The following HAUS6 variants were observed in gnomAD, a reference collection of about 807,000 sequenced individuals.
HAUS6 encodes HAUS augmin like complex subunit 6.
In HAUS6, 80 loss-of-function variants were observed where a neutral mutation model predicts 106.8. That is an observed-to-expected ratio of 0.75 (90% CI 0.63 to 0.90). The LOEUF (loss-of-function observed/expected upper bound fraction) is 0.90. Among genes scored for constraint, HAUS6 ranks in the 40% least tolerant of loss-of-function variants. HAUS6 has a pLI of 0.00. For missense variants in HAUS6, 1,155 were observed against 1,118.1 expected (o/e 1.03, Z -0.47); for synonymous variants, 356 against 379.1 (o/e 0.94, Z 0.71).
chr9:19,081,345 C>G (rs1837145453), intron 8 of HAUS6, among the ~76,000 whole-genome samples: 1 of 151,990 alleles, frequency 6.6e-6, no homozygotes, highest in African/African-American at 2.4e-5. Flanking sequence ...AATCAATGAC[C>G]CCTAAAGGCT....
intron 11 of HAUS6, chr9:19,073,873 T>A (rs949626606): frequency 6.6e-6 from 1 of 152,034 alleles, no homozygotes; most frequent in African/African-American, 2.4e-5. Flanking sequence ...TATATTAAAA[T>A]TGGAACAATA....
rs1235164719 is a variant in HAUS6 at position 19,055,839 on chromosome 9, T to C, written c.*504A>G. ...CAGTCTTAAAATTTGTCATCTTGAC[T>C]ACACATCCCAAGGTACTACTTTTCT... On this transcript the variant is annotated 3_prime_UTR_variant, in exon 17 of 17. Transcript: ENST00000380502. The C allele has an allele frequency of 6.6e-6, 1 of 152,404 alleles. No individual in the cohort carries two copies. Among genetic ancestry groups the C allele is most frequent in the African/African-American group, 2.4e-5 (1 of 41,480 alleles). The allele number at this position is 152,404 out of a possible 1,614,324, so 9.4% of individuals were successfully genotyped here.
intron 12 of HAUS6, among the ~76,000 whole-genome samples, chr9:19,068,072 A>G (rs1442013238): frequency 6.6e-6 from 1 of 151,836 alleles, no homozygotes; most frequent in African/African-American, 2.4e-5. Context: ...TAGTATCCCT[A>G]TCAATCTTTA....
intron 4 of HAUS6, among the ~76,000 whole-genome samples, chr9:19,092,964 T>C (rs1003789599): frequency 1.4e-5 from 2 of 146,108 alleles, no homozygotes; most frequent in African/African-American, 5.1e-5. Context: ...TATTAGAACA[T>C]AATAAAATAA....
rs775761103 is a variant in HAUS6, at chr9:19,093,325, T to C, written c.304-22A>G. ...CACCCTATGAAGAAAAGAAATAAGA[T>C]GATTTGAAGACCTTGTTAACAATAA... On this transcript the variant is annotated intron_variant, in intron 3 of 16. Coordinates refer to ENST00000380502, the MANE Select transcript of HAUS6 (RefSeq NM_017645.5). 7.6e-6 allele frequency: 12 copies of C among 1,579,892 alleles called. No homozygotes were observed. In the Admixed American group the frequency reaches 1.5e-4, roughly 20 times the overall value.
At chr9:19,087,853 A>G (rs1236927414) in intron 5 of HAUS6, among the ~76,000 whole-genome samples, 1 of 150,714 alleles carries the variant, frequency 6.6e-6, no homozygotes, top group Non-Finnish European at 1.5e-5. Context: ...TCTCAAAAAA[A>G]AAAAAAAAAA....
Position 19,086,743 on chromosome 9 carries a change from T to C in HAUS6, c.690A>G (p.Lys230=), listed in dbSNP as rs976302534. 8.0e-7 allele frequency: 1 copy of C among 1,247,402 alleles called. No individual in the cohort carries two copies. Among genetic ancestry groups the C allele is most frequent in the African/African-American group, 1.5e-5 (1 of 67,118 alleles). The allele number at this position is 1,247,402 out of a possible 1,614,324, so 77.3% of individuals were successfully genotyped here. A position where few individuals can be genotyped will look rare whatever the true frequency, so the allele number is the denominator to read the frequency against. The change falls in exon 7 of 17, where the codon AAA becomes AAG. Residue 230 remains lysine, a synonymous_variant. Transcript: ENST00000380502. The part of the protein sequence containing the change: ...PYDDHSNMEE[K]IQKVRSLWAS... ...TTATAAGTTGTCTCACCTTTTGAATTTTTTCTTCCATATTACTGTGGTCAT... is the reference window on the plus strand; with the variant it reads ...TTATAAGTTGTCTCACCTTTTGAATCTTTTCTTCCATATTACTGTGGTCAT...
intron 12 of HAUS6, among the ~76,000 whole-genome samples, chr9:19,064,838 A>G (rs555507749): frequency 2.9e-4 from 44 of 152,216 alleles, no homozygotes; most frequent in Non-Finnish European, 5.3e-4. Flanking sequence ...TCAAAGGCAA[A>G]GAATTGATCA....
intron 9 of HAUS6, among the ~76,000 whole-genome samples, chr9:19,079,126 TG>T (rs1837076850): frequency 6.8e-6 from 1 of 146,676 alleles, no homozygotes; most frequent in Non-Finnish European, 1.5e-5. Context: ...ATTGCGCTAT[TG>T]TGCTCCAGCC....
chr9:19,054,403 G>C lies in HAUS6; in HGVS notation c.*1940C>G, dbSNP rs1836426270. ...TGTAGGAGATACTGGATAGGGAAAAGGCTGAAGGCAAAAAGCTGCCATCAC... is the reference window on the plus strand; with the variant it reads ...TGTAGGAGATACTGGATAGGGAAAACGCTGAAGGCAAAAAGCTGCCATCAC... On this transcript the variant is annotated 3_prime_UTR_variant, in exon 17 of 17. Transcript: ENST00000380502. 1.3e-5 allele frequency: 2 copies of C among 152,190 alleles called. No homozygotes were observed. The highest frequency in any genetic ancestry group is 4.8e-5 in the African/African-American group (2 of 41,440). The allele number at this position is 152,190 out of a possible 1,614,324, so 9.4% of individuals were successfully genotyped here.
At chr9:19,086,853 T>G (rs949336596) in intron 6 of HAUS6, 71 bp from the exon 7 acceptor site, 3 of 713,728 alleles carry the variant, frequency 4.2e-6, no homozygotes, top group Non-Finnish European at 7.3e-6. Flanking sequence ...AAAGAGCTAA[T>G]TAGTCTGCAA....
At chr9:19,095,604 T>C (rs775957490) in intron 2 of HAUS6, among the ~76,000 whole-genome samples, 4 of 152,044 alleles carry the variant, frequency 2.6e-5, no homozygotes, top group Non-Finnish European at 4.4e-5. Flanking sequence ...ATACCTATTA[T>C]CCTGCATACT....
rs1051494714 is a variant in HAUS6, at chr9:19,063,584, A to C, written c.1377-4T>G. 1.9e-6 allele frequency: 3 copies of C among 1,595,276 alleles called. No homozygotes were observed. Among genetic ancestry groups the C allele is most frequent in the Non-Finnish European group, 2.6e-6 (3 of 1,162,870 alleles). On this transcript the variant is annotated splice_polypyrimidine_tract_variant and splice_region_variant and intron_variant, in intron 12 of 16. Coordinates refer to ENST00000380502, the MANE Select transcript of HAUS6 (RefSeq NM_017645.5). ...CTGCGACAAGAAAGAGGCAGGGCTA[A>C]AAGGAAAAAAGACAACAAATCCAAG...
At chr9:19,089,124 T>C (rs894807911) in intron 5 of HAUS6, among the ~76,000 whole-genome samples, 1 of 151,904 alleles carries the variant, frequency 6.6e-6, no homozygotes, top group African/African-American at 2.4e-5. Flanking sequence ...GCGCCAATAA[T>C]CCCAGGTACT....
At chr9:19,085,443 G>A (rs536621272) in intron 7 of HAUS6, among the ~76,000 whole-genome samples, 18 of 152,000 alleles carry the variant, frequency 1.2e-4, no homozygotes, top group African/African-American at 3.9e-4. Flanking sequence ...TAATGTCTAC[G>A]AGATACCTAG....
chr9:19,079,513 G>A (rs1564014609), intron 9 of HAUS6, among the ~76,000 whole-genome samples: 1 of 151,954 alleles, frequency 6.6e-6, no homozygotes, highest in Non-Finnish European at 1.5e-5. Flanking sequence ...TTACAAGTGT[G>A]AGCCACCATG....
In HAUS6 at chr9:19,092,916, C is replaced by CAA. The variant is rs71494998; in HGVS notation, c.436+253_436+254dup. On this transcript the variant is annotated intron_variant, in intron 4 of 16. Transcript: ENST00000380502. ...CTCCAGCTTGAGCGAAACTGTGTCT[C>CAA]AAAAAAAAAAAAAAAAAGAAATGTT... Among the ~76,000 whole-genome samples, 43 of 76,200 alleles carry CAA rather than the reference C, an allele frequency of 5.6e-4. 1 individual carries two copies. The highest frequency in any genetic ancestry group is 2.6e-3 in the East Asian group (6 of 2,334). 50.0% of individuals were successfully genotyped at this position (76,200 alleles called of 152,430 possible).
rs1370188780 is a variant in HAUS6, at chr9:19,055,537, A to G, written c.*806T>C. The G allele has an allele frequency of 3.9e-5, 6 of 152,254 alleles. No individual in the cohort carries two copies. Among genetic ancestry groups the G allele is most frequent in the Admixed American group, 3.9e-4 (6 of 15,290 alleles). 9.4% of individuals were successfully genotyped at this position (152,254 alleles called of 1,614,324 possible). A position where few individuals can be genotyped will look rare whatever the true frequency, so the allele number is the denominator to read the frequency against. ...AAAAAACCCAACAACAAAACAGACTAATGAAAATTTTAATTTATATTTTTG... is the reference window on the plus strand; with the variant it reads ...AAAAAACCCAACAACAAAACAGACTGATGAAAATTTTAATTTATATTTTTG... On this transcript the variant is annotated 3_prime_UTR_variant, in exon 17 of 17. Transcript: ENST00000380502.
chr9:19,087,156 T>C lies in HAUS6; in HGVS notation c.585A>G (p.Gln195=), dbSNP rs7875404. The C allele has an allele frequency of 0.1, 151,351 of 1,451,574 alleles. 9,643 individuals are homozygous for C. The highest frequency in any genetic ancestry group is 0.28 in the African/African-American group (19,888 of 70,792). 89.9% of individuals were successfully genotyped at this position (1,451,574 alleles called of 1,614,324 possible). A position where few individuals can be genotyped will look rare whatever the true frequency, so the allele number is the denominator to read the frequency against. ...CVTQKYQENA[Q]LSVKQVRNLR... ...AGTTTCGTACCTGCTTAACTGATAA[T>C]CTGCAAGAAAACATACAAAATGACA... Residue 195 remains glutamine, a splice_region_variant and synonymous_variant, in exon 6 of 17, where the codon CAA becomes CAG. Transcript: ENST00000380502.
Sources: gnomAD v4.1 joint callset for allele counts (sites outside exome capture counted in the v4.1 genomes callset) on GRCh38, gnomAD v4.1.1 for gene constraint, MANE v1.5 for transcripts, NCBI Gene and HGNC (gene_info 2026-07-23, HGNC 2026-07-21) for gene names.